PAX5: variants seen among roughly 807,000 people sequenced by gnomAD.
PAX5 encodes paired box protein Pax-5.
A neutral mutation model predicts 43.7 loss-of-function variants in PAX5; 9 were observed. The ratio of observed to expected loss-of-function variants is 0.21; its 90% confidence interval spans 0.12 to 0.36. PAX5 has a LOEUF of 0.36. PAX5 is among the 10% of genes least tolerant of loss of function. PAX5 has a pLI of 1.00. For missense variants in PAX5, 383 were observed against 532.7 expected (o/e 0.72, Z 2.77); for synonymous variants, 228 against 214.3 (o/e 1.06, Z -0.56).
intron 7 of PAX5, among the ~76,000 whole-genome samples, chr9:36,921,763 A>G (rs1053114592): frequency 7.2e-5 from 11 of 151,968 alleles, no homozygotes; most frequent in Admixed American, 2.0e-4. Context: ...AAAGAGGAAA[A>G]AGGGCCCAGG....
chr9:36,994,302 C>G (rs1536874), intron 5 of PAX5, among the ~76,000 whole-genome samples: 69,106 of 152,056 alleles, frequency 0.45, 16,252 homozygotes, highest in East Asian at 0.67. Context: ...CTCACCATCT[C>G]TGCCACTAAC....
At chr9:36,849,830 G>A (rs776704370) in intron 8 of PAX5, among the ~76,000 whole-genome samples, 1 of 152,212 alleles carries the variant, frequency 6.6e-6, no homozygotes, top group Non-Finnish European at 1.5e-5. Context: ...GGTAAGGGGC[G>A]TTTGACCATG....
intron 5 of PAX5, among the ~76,000 whole-genome samples, chr9:36,994,772 T>C (rs1837246430): frequency 6.6e-6 from 1 of 152,100 alleles, no homozygotes; most frequent in Non-Finnish European, 1.5e-5. Flanking sequence ...CAGATCTGAT[T>C]TTTCTTCCCC....
At chr9:37,026,624 C>T (rs1286991025) in intron 1 of PAX5, 1 of 1,351,950 alleles carries the variant, frequency 7.4e-7, no homozygotes, top group Non-Finnish European at 9.7e-7. Flanking sequence ...CTCCCGGCGC[C>T]AAGGGGCTGC....
In PAX5 at chr9:36,834,417, A is replaced by T. The variant is rs866802712; in HGVS notation, c.*6143T>A. On this transcript the variant is annotated 3_prime_UTR_variant, in exon 10 of 10. Transcript: ENST00000358127. ...TGTCTGAGGTGTAGGGGAGTGAGTG[A>T]GTGTGTGTGTGTGTGTGTGTGTGTG... is the stretch of plus-strand genomic sequence containing the variant. The T allele has an allele frequency of 6.7e-5, 15 of 224,094 alleles. No homozygotes were observed. Among genetic ancestry groups the T allele is most frequent in the African/African-American group, 1.8e-4 (8 of 43,394 alleles). The allele number at this position is 224,094 out of a possible 1,614,324, so 13.9% of individuals were successfully genotyped here.
chr9:36,858,276 G>T (rs1695985399), intron 8 of PAX5, among the ~76,000 whole-genome samples: 1 of 151,972 alleles, frequency 6.6e-6, no homozygotes, highest in African/African-American at 2.4e-5. Flanking sequence ...ACTTTTTTTT[G>T]AGCAAAATTA....
intron 2 of PAX5, among the ~76,000 whole-genome samples, chr9:37,019,276 G>A (rs1839659194): frequency 6.6e-6 from 1 of 150,984 alleles, no homozygotes; most frequent in Non-Finnish European, 1.5e-5. Flanking sequence ...GCTCCCATCC[G>A]CCTGCCTAAA....
intron 5 of PAX5, 54 bp downstream of exon 5, chr9:37,002,594 G>A (rs1371072616): frequency 5.7e-6 from 9 of 1,572,078 alleles, no homozygotes; most frequent in South Asian, 1.2e-5. Flanking sequence ...ACCGAGCGCC[G>A]GAAACAGACC....
At chr9:36,866,467 A>C (rs1325188178) in intron 8 of PAX5, among the ~76,000 whole-genome samples, 3 of 152,190 alleles carry the variant, frequency 2.0e-5, no homozygotes, top group Non-Finnish European at 4.4e-5. Flanking sequence ...CTGAGACTTA[A>C]GAGAAGATGT....
At chr9:37,017,873 T>A (rs1839523193) in intron 2 of PAX5, among the ~76,000 whole-genome samples, 1 of 152,226 alleles carries the variant, frequency 6.6e-6, no homozygotes, top group Non-Finnish European at 1.5e-5. Flanking sequence ...AACTCGAAAC[T>A]GTGTCAAATG....
intron 8 of PAX5, among the ~76,000 whole-genome samples, chr9:36,877,050 G>A (rs1279055203): frequency 6.6e-6 from 1 of 152,234 alleles, no homozygotes; most frequent in East Asian, 1.9e-4. Context: ...TGGAAATGAA[G>A]TGGTGGCCGG....
At chr9:36,914,735 A>G (rs1213661298) in intron 7 of PAX5, among the ~76,000 whole-genome samples, 1 of 152,132 alleles carries the variant, frequency 6.6e-6, no homozygotes, top group East Asian at 1.9e-4. Context: ...CTCGACTGCA[A>G]TGCATCCCTG....
chr9:36,931,051 C>T (rs1831079529), intron 6 of PAX5: 1 of 446,060 alleles, frequency 2.2e-6, no homozygotes, highest in East Asian at 6.6e-5. Flanking sequence ...CCTCAGATGG[C>T]CACCTGGGGC....
At chr9:36,992,712 GA>G (rs1564052763) in intron 5 of PAX5, among the ~76,000 whole-genome samples, 1 of 152,242 alleles carries the variant, frequency 6.6e-6, no homozygotes, top group Non-Finnish European at 1.5e-5. Context: ...AAGGAGCTAA[GA>G]ACAGGAGAAA....
chr9:36,847,007 C>T, intron 8 of PAX5, 78 bp from the exon 9 acceptor site: 1 of 1,020,840 alleles, frequency 9.8e-7, no homozygotes. Flanking sequence ...TCCCAGCCAG[C>T]CTGGTTGCCA....
chr9:37,020,949 T>A, intron 1 of PAX5, 148 bp from the exon 2 acceptor site: 1 of 714,250 alleles, frequency 1.4e-6, no homozygotes, highest in Non-Finnish European at 2.3e-6. Flanking sequence ...TCGTGCAAAC[T>A]ACACGAAGTC....
chr9:36,999,399 C>G (rs758721197), intron 5 of PAX5, among the ~76,000 whole-genome samples: 4 of 152,234 alleles, frequency 2.6e-5, no homozygotes, highest in Non-Finnish European at 5.9e-5. Context: ...CACTGCCCTC[C>G]TCATCAGAGG....
intron 8 of PAX5, chr9:36,861,066 C>T (rs11794336): frequency 0.023 from 3,540 of 152,336 alleles, 57 homozygotes; most frequent in Middle Eastern, 0.046. Context: ...GGAAAGATAT[C>T]TTGGGAGGCC....
intron 5 of PAX5, among the ~76,000 whole-genome samples, chr9:36,979,897 G>A (rs1318609243): frequency 6.6e-6 from 1 of 152,188 alleles, no homozygotes; most frequent in Non-Finnish European, 1.5e-5. Flanking sequence ...TGGAAACTGA[G>A]GCCCAGAAGG....
Sources: gnomAD v4.1 joint callset for allele counts (sites outside exome capture counted in the v4.1 genomes callset) on GRCh38, gnomAD v4.1.1 for gene constraint, MANE v1.5 for transcripts, NCBI Gene and HGNC (gene_info 2026-07-23, HGNC 2026-07-21) for gene names.